Variants in PPARG observed in about 807,000 individuals in gnomAD.
PPARG encodes peroxisome proliferator-activated receptor gamma.
PPARG carries 17 observed loss-of-function variants against 39.2 expected under a neutral mutation model. The ratio of observed to expected loss-of-function variants is 0.43; its 90% confidence interval spans 0.30 to 0.65. The LOEUF (loss-of-function observed/expected upper bound fraction) is 0.65. Among genes scored for constraint, PPARG ranks in the 30% least tolerant of loss-of-function variants. The pLI is 0.13. For missense variants in PPARG, 406 were observed against 585.9 expected (o/e 0.69, Z 3.17); for synonymous variants, 223 against 215.7 (o/e 1.03, Z -0.30).
At chr3:12,395,610 C>T (rs1370587500) in intron 5 of PPARG, among the ~76,000 whole-genome samples, 1 of 152,222 alleles carries the variant, frequency 6.6e-6, no homozygotes, top group African/African-American at 2.4e-5. Context: ...CAAATATTCA[C>T]TTTCAGCATT....
At chr3:12,399,489 A>G in intron 5 of PPARG, 1 of 428,192 alleles carries the variant, frequency 2.3e-6, no homozygotes, top group Non-Finnish European at 4.6e-6. Context: ...CAGGAGGCTG[A>G]GGTAGGAGCT....
At chr3:12,411,317 A>G (rs751120327) in intron 6 of PPARG, among the ~76,000 whole-genome samples, 3 of 152,114 alleles carry the variant, frequency 2.0e-5, no homozygotes, top group African/African-American at 2.4e-5. Context: ...GTTCATTAGC[A>G]TGTGAATAAT....
chr3:12,416,865 T>A lies in PPARG; in HGVS notation c.891T>A (p.Tyr297Ter). 1.2e-6 allele frequency: 2 copies of A among 1,614,174 alleles called. No homozygotes were observed. Among genetic ancestry groups the A allele is most frequent in the Non-Finnish European group, 1.7e-6 (2 of 1,180,018 alleles). Residue 297 changes from tyrosine (Y) to a stop codon, truncating the protein, a stop_gained, in exon 7 of 8, where the codon TAT (tyrosine) becomes TAA (stop). Transcript: ENST00000651735. LOFTEE classifies it high-confidence loss of function. The part of the protein sequence containing the change: ...SVEAVQEITE[Y>*]AKSIPGFVNL... Reference sequence around the variant, plus strand: ...AGGCTGTGCAGGAGATCACAGAGTATGCCAAAAGCATTCCTGGTTTTGTAA... The same window carrying A: ...AGGCTGTGCAGGAGATCACAGAGTAAGCCAAAAGCATTCCTGGTTTTGTAA...
chr3:12,383,871 C>A (rs1444070106), intron 4 of PPARG, among the ~76,000 whole-genome samples: 1 of 151,872 alleles, frequency 6.6e-6, no homozygotes, highest in Admixed American at 6.6e-5. Context: ...AGGAGGAAAT[C>A]CAAGTGCCTT....
chr3:12,352,195 T>C (rs558747874), intron 2 of PPARG, among the ~76,000 whole-genome samples: 7 of 152,354 alleles, frequency 4.6e-5, no homozygotes, highest in African/African-American at 1.7e-4. Context: ...TCCCAGAGTG[T>C]AGGACCAAGT....
chr3:12,420,454 G>A (rs546418004), intron 7 of PPARG, among the ~76,000 whole-genome samples: 4 of 152,160 alleles, frequency 2.6e-5, no homozygotes, highest in Middle Eastern at 3.2e-3. Flanking sequence ...CAATTTATTC[G>A]AAAGTCTATC....
At chr3:12,411,221 G>T (rs1028282543) in intron 6 of PPARG, among the ~76,000 whole-genome samples, 12 of 152,126 alleles carry the variant, frequency 7.9e-5, no homozygotes, top group African/African-American at 2.4e-4. Context: ...CCAATGGCTG[G>T]ACTCAGTTGG....
chr3:12,416,620 TA>T, intron 6 of PPARG, 83 bp from the exon 7 acceptor site: 2 of 1,330,082 alleles, frequency 1.5e-6, no homozygotes, highest in Non-Finnish European at 2.1e-6. Flanking sequence ...CAAGTTTACA[TA>T]AACAGTTTTC....
chr3:12,395,815 C>T (rs2050237568), intron 5 of PPARG, among the ~76,000 whole-genome samples: 1 of 152,206 alleles, frequency 6.6e-6, no homozygotes, highest in South Asian at 2.1e-4. Flanking sequence ...CAATTCACTA[C>T]TGTGTCTAGA....
In PPARG at chr3:12,416,768, T is replaced by C; in HGVS notation, c.794T>C (p.Ile265Thr). 6.2e-7 allele frequency: 1 copy of C among 1,614,040 alleles called. No homozygotes were observed. The highest frequency in any genetic ancestry group is 8.5e-7 in the Non-Finnish European group (1 of 1,179,966). Residue 265 changes from isoleucine to threonine, a missense_variant, in exon 7 of 8, where the codon ATC becomes ACC. This residue lies in a region of PPARG where 275 missense variants were observed against 458.0 expected (regional missense o/e 0.60). Coordinates refer to ENST00000651735, the MANE Select transcript of PPARG (RefSeq NM_138711.6). ...GAAGATAAAATCAAGTTCAAACACATCACCCCCCTGCAGGAGCAGAGCAAA... is the reference window on the plus strand; with the variant it reads ...GAAGATAAAATCAAGTTCAAACACACCACCCCCCTGCAGGAGCAGAGCAAA... The part of the protein sequence containing the change: ...MGEDKIKFKH[I>T]TPLQEQSKEV...
chr3:12,335,579 A>G (rs1261949367), intron 2 of PPARG, among the ~76,000 whole-genome samples: 1 of 152,216 alleles, frequency 6.6e-6, no homozygotes, highest in Admixed American at 6.5e-5. Flanking sequence ...AACGGGCATT[A>G]CTTATTTCAC....
intron 2 of PPARG, chr3:12,328,343 C>T (rs1435259648): frequency 5.2e-6 from 4 of 773,966 alleles, no homozygotes; most frequent in African/African-American, 1.7e-5. Flanking sequence ...GGAGTCTCTG[C>T]AGGGAAACAG....
chr3:12,412,894 T>TGTAC (rs1398668602), intron 6 of PPARG, among the ~76,000 whole-genome samples: 2 of 152,188 alleles, frequency 1.3e-5, no homozygotes, highest in Admixed American at 6.5e-5. Context: ...AGCCCTTTGA[T>TGTAC]GTACGGTCTG....
At chr3:12,312,992 G>A (rs2047291127) in intron 2 of PPARG, among the ~76,000 whole-genome samples, 1 of 152,110 alleles carries the variant, frequency 6.6e-6, no homozygotes. Flanking sequence ...GGCTCCAGGG[G>A]CTCCCAAAGT....
intron 4 of PPARG, among the ~76,000 whole-genome samples, chr3:12,382,347 A>G (rs999766889): frequency 1.3e-5 from 2 of 152,146 alleles, no homozygotes; most frequent in African/African-American, 4.8e-5. Flanking sequence ...ATGTGAATCC[A>G]CTCATATTTT....
chr3:12,320,256 C>T (rs1271894917), intron 2 of PPARG, among the ~76,000 whole-genome samples: 6 of 152,036 alleles, frequency 3.9e-5, no homozygotes, highest in Non-Finnish European at 8.8e-5. Flanking sequence ...ATGTATGTAT[C>T]GCTAGAGGAA....
At chr3:12,325,452 AC>A (rs2047666707) in intron 2 of PPARG, among the ~76,000 whole-genome samples, 1 of 150,786 alleles carries the variant, frequency 6.6e-6, no homozygotes, top group Non-Finnish European at 1.5e-5. Context: ...AGTATAAAAA[AC>A]GAGCCAGTGT....
chr3:12,418,467 T>C (rs1310697739), intron 7 of PPARG, among the ~76,000 whole-genome samples: 1 of 152,218 alleles, frequency 6.6e-6, no homozygotes, highest in Non-Finnish European at 1.5e-5. Flanking sequence ...CACAATGTAT[T>C]ATAAAGAGCA....
rs375308989 is a variant in PPARG at position 12,379,748 on chromosome 3, T to C, written c.37T>C (p.Phe13Leu). Residue 13 changes from phenylalanine (F) to leucine (L), a missense_variant, in exon 3 of 8, where the codon TTT becomes CTT. Around this residue, in one of 2 missense-constraint regions of PPARG, gnomAD observed 131 missense variants for 127.9 expected, o/e 1.02. Transcript: ENST00000651735. ...DTEMPFWPTNFGISSVDLSVM... is the reference protein window; with the variant it reads ...DTEMPFWPTNLGISSVDLSVM... ...AGAGATGCCATTCTGGCCCACCAAC[T>C]TTGGGATCAGCTCCGTGGATCTCTC... 1.6e-5 allele frequency: 26 copies of C among 1,614,026 alleles called. No individual in the cohort carries two copies. The African/African-American group carries it at 3.5e-4, about 22-fold the overall frequency.
Sources: gnomAD v4.1 joint callset for allele counts (sites outside exome capture counted in the v4.1 genomes callset) on GRCh38, gnomAD v4.1.1 for gene constraint, gnomAD v4.1.1 regional missense constraint, MANE v1.5 for transcripts, NCBI Gene and HGNC (gene_info 2026-07-23, HGNC 2026-07-21) for gene names.